The following DNAH7 variants were observed in gnomAD, a reference collection of about 807,000 sequenced individuals.
The protein encoded by DNAH7 is axonemal beta dynein heavy chain 7.
Under a neutral mutation model 444.6 loss-of-function variants are expected in DNAH7, and 397 were observed. The ratio of observed to expected loss-of-function variants is 0.89; its 90% CI spans 0.82 to 0.97. The LOEUF is 0.97. Ranked by LOEUF, DNAH7 falls within the 50% of genes least tolerant of loss-of-function variation. The pLI, the probability that DNAH7 is intolerant of heterozygous loss-of-function variation, is 0.00. For missense variants in DNAH7, 4,902 were observed against 4,800.8 expected (o/e 1.02, Z -0.62); for synonymous variants, 1,636 against 1,624.4 (o/e 1.01, Z -0.17).
chr2:195,960,941 T>A lies in DNAH7; in HGVS notation c.2210A>T (p.Glu737Val). 2 of 1,582,990 alleles carry A rather than the reference T, an allele frequency of 1.3e-6. No homozygotes were observed. Among genetic ancestry groups the A allele is most frequent in the Non-Finnish European group, 8.6e-7 (1 of 1,163,578 alleles). Residue 737 changes from glutamate to valine, a missense_variant, in exon 18 of 65, where the codon GAG becomes GTG. Physicochemically the swap from Glu to Val is moderately radical, Grantham distance 121 (BLOSUM62 -2). Coordinates refer to ENST00000312428, the MANE Select transcript of DNAH7 (RefSeq NM_018897.3). ...GKLDLAADKI[E>V]QFNAEEEAFG... is the part of the protein sequence containing the mutation. ...TGCTTCCTCTTCAGCATTAAACTGC[T>A]CAATCTGAAAGGATAAGTATTGAAT... is the stretch of plus-strand genomic sequence containing the variant.
In DNAH7 at chr2:195,809,841, ATAAGT is replaced by A. The variant is rs1696881370; in HGVS notation, c.9787_9791del (p.Thr3263PhefsTer5). ...ACCGGCAGACATTAACATACAGTGA[ATAAGT>A]AAAGTGATCCTTGAGAATCTGAAGC... On this transcript the variant is annotated frameshift_variant, in exon 52 of 65. Transcript: ENST00000312428. LOFTEE classifies it high-confidence loss of function. 6.3e-7 allele frequency: 1 copy of A among 1,584,214 alleles called. No homozygotes were observed. The highest frequency in any genetic ancestry group is 1.4e-5 in the African/African-American group (1 of 73,768).
chr2:195,824,815 C>A (rs1247703582), intron 48 of DNAH7: 2 of 155,814 alleles, frequency 1.3e-5, no homozygotes, highest in Non-Finnish European at 2.8e-5. Context: ...AAATTGTTAC[C>A]GTATTTTTAA....
At chr2:195,841,221 T>C (rs1225334143) in intron 47 of DNAH7, among the ~76,000 whole-genome samples, 3 of 151,574 alleles carry the variant, frequency 2.0e-5, no homozygotes, top group African/African-American at 7.3e-5. Flanking sequence ...TTTCTCTCTC[T>C]TTCTCTTTCT....
intron 61 of DNAH7, among the ~76,000 whole-genome samples, chr2:195,770,601 C>T (rs946743932): frequency 1.3e-5 from 2 of 152,146 alleles, no homozygotes; most frequent in African/African-American, 4.8e-5. Flanking sequence ...GGTCTCTCTC[C>T]AAGAGTCATT....
At chr2:196,043,201 G>A (rs1696881945) in intron 5 of DNAH7, among the ~76,000 whole-genome samples, 4 of 151,712 alleles carry the variant, frequency 2.6e-5, no homozygotes, top group Admixed American at 2.6e-4. Context: ...TCAATTTAGA[G>A]GCATGTGAAT....
chr2:195,766,460 G>C (rs1464568849), intron 61 of DNAH7, among the ~76,000 whole-genome samples: 1 of 151,994 alleles, frequency 6.6e-6, no homozygotes, highest in Non-Finnish European at 1.5e-5. Context: ...GAGCTACCAT[G>C]CACAGGCCAT....
rs971108019 is a variant in DNAH7 at position 195,972,172 on chromosome 2, A to T, written c.2058+70T>A. On this transcript the variant is annotated intron_variant, in intron 16 of 64. Coordinates refer to ENST00000312428, the MANE Select transcript of DNAH7 (RefSeq NM_018897.3). The stretch of plus-strand genomic sequence containing the variant: ...AGTATGCACTCAAATAAAATAATTG[A>T]CAATGCTACATAAAAAGATAAAAAC... The T allele has an allele frequency of 4.7e-6, 6 of 1,270,458 alleles. No individual in the cohort carries two copies. In the African/African-American group the frequency reaches 9.0e-5, roughly 19 times the overall value. The allele number at this position is 1,270,458 out of a possible 1,614,324, so 78.7% of individuals were successfully genotyped here.
intron 58 of DNAH7, among the ~76,000 whole-genome samples, chr2:195,778,643 A>AATATATATATATATAT (rs1169066622): frequency 1.8e-5 from 1 of 56,254 alleles, no homozygotes; most frequent in African/African-American, 1.0e-4. Context: ...TAAATAAATA[A>AATATATATATATATAT]ATATATATAT....
At chr2:196,031,070 G>A (rs1368494681) in intron 5 of DNAH7, among the ~76,000 whole-genome samples, 1 of 152,236 alleles carries the variant, frequency 6.6e-6, no homozygotes, top group Non-Finnish European at 1.5e-5. Context: ...TGCCCTTGCA[G>A]GAAACTTTTG....
chr2:195,900,142 G>C, intron 28 of DNAH7, 140 bp downstream of exon 28: 1 of 863,980 alleles, frequency 1.2e-6, no homozygotes, highest in Non-Finnish European at 1.8e-6. Flanking sequence ...ATGTGTACAA[G>C]ATAATACATT....
At position 196,051,312 on chromosome 2, in the gene DNAH7, G is replaced by T. The variant is rs73987683; in HGVS notation, c.79-63C>A. 619 of 1,292,046 alleles carry T rather than the reference G, an allele frequency of 4.8e-4. 4 individuals carry two copies. In the African/African-American group the frequency reaches 8.2e-3, roughly 17 times the overall value. The allele number at this position is 1,292,046 out of a possible 1,614,324, so 80.0% of individuals were successfully genotyped here. ...CTGTTAGTGCTAAAATTGATTCACT[G>T]AACCAAATTTTACAGAAAGACTATT... is the stretch of plus-strand genomic sequence containing the variant. On this transcript the variant is annotated intron_variant, in intron 2 of 64. Coordinates refer to ENST00000312428, the MANE Select transcript of DNAH7 (RefSeq NM_018897.3).
intron 1 of DNAH7, among the ~76,000 whole-genome samples, chr2:196,059,150 A>G (rs867975200): frequency 1.1e-4 from 16 of 151,734 alleles, no homozygotes; most frequent in Admixed American, 4.6e-4. Flanking sequence ...TCCCTTCTCT[A>G]TAACTAAAAC....
chr2:195,878,647 C>T (rs1177757046), intron 36 of DNAH7, among the ~76,000 whole-genome samples: 1 of 152,000 alleles, frequency 6.6e-6, no homozygotes, highest in African/African-American at 2.4e-5. Context: ...CATACATAAG[C>T]CATGGTGTGA....
intron 44 of DNAH7, 133 bp downstream of exon 44, chr2:195,857,244 C>T (rs1699765758): frequency 3.8e-6 from 3 of 799,268 alleles, no homozygotes; most frequent in Non-Finnish European, 1.9e-6. Flanking sequence ...AGTAAATATG[C>T]AAACACAAAG....
At chr2:196,037,724 C>G (rs1251142541) in intron 5 of DNAH7, among the ~76,000 whole-genome samples, 1 of 152,044 alleles carries the variant, frequency 6.6e-6, no homozygotes, top group East Asian at 1.9e-4. Flanking sequence ...AGAAGAAAGC[C>G]TGAGGGGCAT....
chr2:195,889,023 T>G (rs372620512), intron 31 of DNAH7, 42 bp from the exon 32 acceptor site: 19 of 1,523,960 alleles, frequency 1.2e-5, no homozygotes, highest in Non-Finnish European at 1.7e-5. Context: ...AACGTAATGA[T>G]GATAATATAA....
In DNAH7 at chr2:195,960,631, G is replaced by C; in HGVS notation, c.2520C>G (p.Leu840=). The change falls in exon 18 of 65, where the codon CTC becomes CTG. Residue 840 remains leucine (L), a synonymous_variant. Coordinates refer to ENST00000312428, the MANE Select transcript of DNAH7 (RefSeq NM_018897.3). ...AACCAGGATTACAGATCACTTGAAT[G>C]AGAGGAATGTGCTGCTTGAAATCTT... The part of the protein sequence containing the change: ...KVEDFKQHIP[L]IQVICNPGLR... 1 of 1,614,238 alleles carries C rather than the reference G, an allele frequency of 6.2e-7. No homozygotes were observed. Among genetic ancestry groups the C allele is most frequent in the Admixed American group, 1.7e-5 (1 of 60,022 alleles).
intron 58 of DNAH7, among the ~76,000 whole-genome samples, chr2:195,781,212 A>G (rs1389241428): frequency 1.3e-5 from 2 of 152,212 alleles, no homozygotes; most frequent in African/African-American, 4.8e-5. Context: ...ATAAAAATGA[A>G]GTACAATAAG....
Position 195,853,408 on chromosome 2 carries a change from C to G in DNAH7, c.8716G>C (p.Gly2906Arg), listed in dbSNP as rs770366631. The G allele has an allele frequency of 1.2e-6, 2 of 1,614,070 alleles. No homozygotes were observed. Among genetic ancestry groups the G allele is most frequent in the Non-Finnish European group, 8.5e-7 (1 of 1,179,988 alleles). The change falls in exon 46 of 65, where the codon GGG (glycine) becomes CGG (arginine). Residue 2906 changes from glycine (G) to arginine (R), a missense_variant. Transcript: ENST00000312428. ...ACTCCGGAGGAAATGAGGATATCCC[C>G]AGTCAAGTTGATGTACAGCTGACCT... is the stretch of plus-strand genomic sequence containing the variant. ...ELGQLYINLT[G>R]DILISSGVVA...
Sources: gnomAD v4.1 joint callset for allele counts (sites outside exome capture counted in the v4.1 genomes callset) on GRCh38, gnomAD v4.1.1 for gene constraint, MANE v1.5 for transcripts, NCBI Gene and HGNC (gene_info 2026-07-23, HGNC 2026-07-21) for gene names.